Variants in ZHX3 observed in about 807,000 individuals in gnomAD.
The protein encoded by ZHX3 is zinc fingers and homeoboxes 3, also known as zinc fingers and homeoboxes protein 3.
A neutral mutation model predicts 64.5 loss-of-function variants in ZHX3; 20 were observed. The observed-to-expected ratio is 0.31, with a 90% confidence interval of 0.22 to 0.45. ZHX3 has a LOEUF of 0.45. ZHX3 is among the 20% of genes least tolerant of loss of function. The pLI, the probability that ZHX3 is intolerant of heterozygous loss-of-function variation, is 1.00. For synonymous variants in ZHX3, 423 were observed against 461.6 expected (o/e 0.92, Z 1.07); for missense variants, 1,041 against 1,195.8 (o/e 0.87, Z 1.91).
Position 41,203,073 on chromosome 20 carries a change from T to G in ZHX3, c.1844A>C (p.Lys615Thr). The stretch of plus-strand genomic sequence containing the variant: ...CTGCTCAGGGGCTCTCTCCTTGTAT[T>G]TGGTTGGTGTGAAGTCAGGAGTCTG... The part of the protein sequence containing the change: ...WHQTPDFTPT[K>T]YKERAPEQLR... The change falls in exon 3 of 4, where the codon AAA becomes ACA. Residue 615 changes from lysine (K) to threonine (T), a missense_variant. Around this residue, in one of 4 missense-constraint regions of ZHX3, gnomAD observed 649 missense variants for 739.8 expected, o/e 0.88. Transcript: ENST00000683867. This position sits in a 1 kb window ranked among gnomAD's most constrained non-coding sequence, Gnocchi z 7.1. 1 of 1,613,992 alleles carries G rather than the reference T, an allele frequency of 6.2e-7. No homozygotes were observed. The highest frequency in any genetic ancestry group is 8.5e-7 in the Non-Finnish European group (1 of 1,179,992).
At chr20:41,227,805 T>C (rs1041039246) in intron 2 of ZHX3, among the ~76,000 whole-genome samples, 5 of 152,214 alleles carry the variant, frequency 3.3e-5, no homozygotes, top group African/African-American at 1.2e-4. Flanking sequence ...ATTGGTTGTT[T>C]CTATGACACA....
intron 1 of ZHX3, among the ~76,000 whole-genome samples, chr20:41,273,061 A>G (rs2043220159): frequency 6.6e-6 from 1 of 152,144 alleles, no homozygotes; most frequent in Non-Finnish European, 1.5e-5. Flanking sequence ...TTTTGTTTTT[A>G]AAGTATAGAC....
intron 1 of ZHX3, among the ~76,000 whole-genome samples, chr20:41,293,617 C>G (rs748261989): frequency 2.6e-5 from 4 of 152,114 alleles, no homozygotes; most frequent in Non-Finnish European, 4.4e-5. Context: ...AGAGAACTAG[C>G]TATAAGTCTG....
chr20:41,234,280 A>G (rs902153686), intron 2 of ZHX3, among the ~76,000 whole-genome samples: 1 of 152,214 alleles, frequency 6.6e-6, no homozygotes, highest in African/African-American at 2.4e-5. Context: ...CTCAGCACAT[A>G]TGAAGCACAA....
chr20:41,194,557 C>T (rs1245863343), intron 3 of ZHX3, among the ~76,000 whole-genome samples: 1 of 152,098 alleles, frequency 6.6e-6, no homozygotes, highest in Non-Finnish European at 1.5e-5. Context: ...TTGTCTTGCT[C>T]TGGTGTCAGG....
Position 41,218,443 on chromosome 20 carries a change from C to CTAAATAAATAAA in ZHX3, c.-150-13389_-150-13378dup, listed in dbSNP as rs60949298. On this transcript the variant is annotated intron_variant, in intron 2 of 3. Transcript: ENST00000683867. ...TGGGCAACAGAGCAAGACCCTGTCT[C>CTAAATAAATAAA]TAAATAAATAAATAAATAAATAAAT... Among the ~76,000 whole-genome samples the CTAAATAAATAAA allele has an allele frequency of 7.2e-4, 109 of 151,708 alleles. 1 individual carries two copies. The highest frequency in any genetic ancestry group is 4.4e-3 in the East Asian group (23 of 5,174).
chr20:41,227,353 G>T (rs527717080), intron 2 of ZHX3, among the ~76,000 whole-genome samples: 1 of 152,174 alleles, frequency 6.6e-6, no homozygotes, highest in Non-Finnish European at 1.5e-5. Context: ...AATCTAAAAC[G>T]CAATAAAGTC....
rs182922041 is a variant in ZHX3, at chr20:41,196,695, A to G, written c.2860+5362T>C. The G allele has an allele frequency of 1.3e-4, 24 of 179,068 alleles. No individual in the cohort carries two copies. The East Asian group carries it at 2.8e-3, about 21-fold the overall frequency. 11.1% of individuals were successfully genotyped at this position (179,068 alleles called of 1,614,324 possible). A position where few individuals can be genotyped will look rare whatever the true frequency, so the allele number is the denominator to read the frequency against. On this transcript the variant is annotated intron_variant, in intron 3 of 3. Transcript: ENST00000683867. Reference sequence around the variant, plus strand: ...TCAAAAGAGGACACTGGAGGTGAAGAAGGAAGCTCTTGACTCTCCTAAAGC... The same window carrying G: ...TCAAAAGAGGACACTGGAGGTGAAGGAGGAAGCTCTTGACTCTCCTAAAGC...
chr20:41,272,920 T>C (rs976740012), intron 1 of ZHX3, among the ~76,000 whole-genome samples: 14 of 152,194 alleles, frequency 9.2e-5, no homozygotes, highest in Non-Finnish European at 1.3e-4. Flanking sequence ...CATATGGTAA[T>C]TCTATACGGA....
chr20:41,305,050 C>G (rs2044933817), intron 1 of ZHX3, among the ~76,000 whole-genome samples: 1 of 152,178 alleles, frequency 6.6e-6, no homozygotes, highest in African/African-American at 2.4e-5. Context: ...CCATTCAATA[C>G]TATATTTGAA....
intron 1 of ZHX3, among the ~76,000 whole-genome samples, chr20:41,270,272 CA>C (rs1270718396): frequency 6.7e-6 from 1 of 150,062 alleles, no homozygotes; most frequent in African/African-American, 2.5e-5. Flanking sequence ...CCCAGCTACT[CA>C]GGGGGCTGAG....
rs1473895144 is a variant in ZHX3 at position 41,179,456 on chromosome 20, G to A, written c.*5735C>T. The A allele has an allele frequency of 1.3e-5, 2 of 152,174 alleles. No individual in the cohort carries two copies. The highest frequency in any genetic ancestry group is 2.9e-5 in the Non-Finnish European group (2 of 68,040). The allele number at this position is 152,174 out of a possible 1,614,324, so 9.4% of individuals were successfully genotyped here. ...GACCAAACAGTATGGGCAGGAACCAGGGATGAGTGACAAGATCTCCCTAAA... is the reference window on the plus strand; with the variant it reads ...GACCAAACAGTATGGGCAGGAACCAAGGATGAGTGACAAGATCTCCCTAAA... On this transcript the variant is annotated 3_prime_UTR_variant, in exon 4 of 4. Coordinates refer to ENST00000683867, the MANE Select transcript of ZHX3 (RefSeq NM_001384317.1). This position sits in a 1 kb window ranked among gnomAD's most constrained non-coding sequence, Gnocchi z 4.3.
In ZHX3 at chr20:41,204,266, C is replaced by T. The variant is rs756455343; in HGVS notation, c.651G>A (p.Lys217=). ...TCACCTCCATTTCTCCAGTCGACAG[C>T]TTTGGTAAGGCCTCACCCACAGGCT... ...PSQPVGEALP[K]LSTGEMEVRE... The change falls in exon 3 of 4, where the codon AAG becomes AAA. Residue 217 remains lysine, a synonymous_variant. Coordinates refer to ENST00000683867, the MANE Select transcript of ZHX3 (RefSeq NM_001384317.1). This position sits in a 1 kb window ranked among gnomAD's most constrained non-coding sequence, Gnocchi z 6.6. The T allele has an allele frequency of 6.2e-7, 1 of 1,614,054 alleles. No homozygotes were observed. Among genetic ancestry groups the T allele is most frequent in the East Asian group, 2.2e-5 (1 of 44,888 alleles).
In ZHX3 at chr20:41,202,835, C is replaced by A; in HGVS notation, c.2082G>T (p.Glu694Asp). 1 of 1,614,170 alleles carries A rather than the reference C, an allele frequency of 6.2e-7. No individual in the cohort carries two copies. The highest frequency in any genetic ancestry group is 8.5e-7 in the Non-Finnish European group (1 of 1,180,030). ...AGACCCTTAGCTCACTGGCCAAATCCTCTTCTCCACCCTCATCCTCAGCAG... is the reference window on the plus strand; with the variant it reads ...AGACCCTTAGCTCACTGGCCAAATCATCTTCTCCACCCTCATCCTCAGCAG... The part of the protein sequence containing the change: ...EEAAEDEGGE[E>D]DLASELRVSG... Residue 694 changes from glutamate to aspartate, a missense_variant, in exon 3 of 4, where the codon GAG becomes GAT. Glu to Asp is a conservative substitution (Grantham distance 45). Around this residue, in one of 4 missense-constraint regions of ZHX3, gnomAD observed 649 missense variants for 739.8 expected, o/e 0.88. Transcript: ENST00000683867. The surrounding 1 kb of genome is among the most constrained non-coding windows in gnomAD (Gnocchi z 7.0).
chr20:41,235,326 A>G (rs1023645148), intron 2 of ZHX3, among the ~76,000 whole-genome samples: 2 of 152,176 alleles, frequency 1.3e-5, no homozygotes, highest in Middle Eastern at 3.2e-3. Context: ...AAAAAAAGAG[A>G]ATTTTAGACC....
intron 2 of ZHX3, among the ~76,000 whole-genome samples, chr20:41,218,497 T>C (rs1294606236): frequency 1.3e-5 from 2 of 152,218 alleles, no homozygotes; most frequent in Non-Finnish European, 2.9e-5. Context: ...ACAGTTATTA[T>C]GATCCTTAGT....
At position 41,233,012 on chromosome 20, in the gene ZHX3, C is replaced by G. The variant is rs565456807; in HGVS notation, c.-150-27946G>C. 5.9e-5 allele frequency among the ~76,000 whole-genome samples: 9 copies of G among 152,350 alleles called. No individual in the cohort carries two copies. In the Middle Eastern group the frequency reaches 0.01, roughly 173 times the overall value. ...CGCTACATCCATCTTTATCAAGCAC[C>G]TGCGATGCATTTCTCCCTGTTACCA... On this transcript the variant is annotated intron_variant, in intron 2 of 3. Coordinates refer to ENST00000683867, the MANE Select transcript of ZHX3 (RefSeq NM_001384317.1).
chr20:41,191,736 G>A (rs1019870244), intron 3 of ZHX3, among the ~76,000 whole-genome samples: 1 of 152,220 alleles, frequency 6.6e-6, no homozygotes, highest in African/African-American at 2.4e-5. Flanking sequence ...GTGCAGTAGT[G>A]TAGTCTCTGT....
chr20:41,302,975 G>A (rs548984686), intron 1 of ZHX3, among the ~76,000 whole-genome samples: 1 of 152,344 alleles, frequency 6.6e-6, no homozygotes, highest in Non-Finnish European at 1.5e-5. Flanking sequence ...AATGAAGAAA[G>A]CCTGGAGCTA....
Sources: allele counts gnomAD v4.1 joint callset (sites outside exome capture counted in the v4.1 genomes callset), GRCh38; gene constraint gnomAD v4.1.1; regional missense constraint gnomAD v4.1.1; non-coding constraint Gnocchi (gnomAD v3.1); transcripts MANE v1.5; gene names NCBI Gene and HGNC (gene_info 2026-07-23, HGNC 2026-07-21).